MEGF9: variants seen among roughly 807,000 people sequenced by gnomAD.
MEGF9 encodes the protein multiple EGF like domains 9, also known as multiple epidermal growth factor-like domains protein 9.
Under a neutral mutation model 46.8 loss-of-function variants are expected in MEGF9, and 6 were observed. The ratio of observed to expected loss-of-function variants is 0.13; its 90% CI spans 0.07 to 0.25. The LOEUF is 0.25. Ranked by LOEUF, MEGF9 falls within the 10% of genes least tolerant of loss-of-function variation. MEGF9 has a pLI of 1.00. For missense variants in MEGF9, 683 were observed against 792.4 expected (o/e 0.86, Z 1.66); for synonymous variants, 302 against 330.7 (o/e 0.91, Z 0.94).
At chr9:120,625,611 G>A (rs1411027013) in intron 2 of MEGF9, among the ~76,000 whole-genome samples, 1 of 151,896 alleles carries the variant, frequency 6.6e-6, no homozygotes, top group Non-Finnish European at 1.5e-5. Context: ...TGAGGCGAGT[G>A]GATCACGAGG....
chr9:120,701,819 C>T (rs188504183), intron 1 of MEGF9, among the ~76,000 whole-genome samples: 93 of 152,130 alleles, frequency 6.1e-4, no homozygotes, highest in East Asian at 3.3e-3. Flanking sequence ...CCAAGGCGGG[C>T]GGATCACGAG....
chr9:120,639,508 T>TA (rs61638928), intron 2 of MEGF9, among the ~76,000 whole-genome samples: 3,043 of 105,118 alleles, frequency 0.029, 72 homozygotes, highest in African/African-American at 0.051. Flanking sequence ...ACTCCGTCTT[T>TA]AAAAAAAAAA....
In MEGF9 at chr9:120,608,009, T is replaced by C; in HGVS notation, c.1089A>G (p.Lys363=). The change falls in exon 5 of 6, where the codon AAA becomes AAG. Residue 363 remains lysine (K), a splice_region_variant and synonymous_variant. Coordinates refer to ENST00000373930, the MANE Select transcript of MEGF9 (RefSeq NM_001080497.3). ...CACATTCAGGTTCCAATTCACTCGA[T>C]TCTAAAAGAGAGAATGCCAAAATAG... is the stretch of plus-strand genomic sequence containing the variant. ...AVTSTGSCSI[K]SSELEPECDQ... is the part of the protein sequence containing the mutation. 6.2e-7 allele frequency: 1 copy of C among 1,613,546 alleles called. No homozygotes were observed. The highest frequency in any genetic ancestry group is 8.5e-7 in the Non-Finnish European group (1 of 1,179,444).
chr9:120,703,920 C>A lies in MEGF9; in HGVS notation c.601+9838G>T, dbSNP rs190080456. 1.6e-3 allele frequency among the ~76,000 whole-genome samples: 241 copies of A among 151,528 alleles called. 1 individual carries two copies. Among genetic ancestry groups the A allele is most frequent in the African/African-American group, 5.7e-3 (234 of 41,256 alleles). ...CCTAAGAGGCAGAGGTTGCAGTGAG[C>A]CAAGATGGCACCACTGCACTCCAGC... On this transcript the variant is annotated intron_variant, in intron 1 of 5. Coordinates refer to ENST00000373930, the MANE Select transcript of MEGF9 (RefSeq NM_001080497.3).
rs1332969313 is a variant in MEGF9, at chr9:120,714,382, G to C, written c.-24C>G. ...ATTCATTCAGCCAGTCGGTTGGTCAGTCATCTTCTCCTCGTTGCAATCCGA... is the reference window on the plus strand; with the variant it reads ...ATTCATTCAGCCAGTCGGTTGGTCACTCATCTTCTCCTCGTTGCAATCCGA... On this transcript the variant is annotated 5_prime_UTR_variant, in exon 1 of 6. Transcript: ENST00000373930. The C allele has an allele frequency of 3.1e-6, 4 of 1,292,814 alleles. No homozygotes were observed. The highest frequency in any genetic ancestry group is 2.0e-4 in the Middle Eastern group (1 of 4,956). 80.1% of individuals were successfully genotyped at this position (1,292,814 alleles called of 1,614,324 possible).
chr9:120,689,831 T>G, intron 1 of MEGF9: 2 of 440,020 alleles, frequency 4.5e-6, no homozygotes, highest in Non-Finnish European at 4.8e-6. Flanking sequence ...CCTAAAGTCA[T>G]TATGCTCTTC....
chr9:120,634,160 A>G (rs1034675759), intron 2 of MEGF9, among the ~76,000 whole-genome samples: 7 of 152,146 alleles, frequency 4.6e-5, no homozygotes, highest in Non-Finnish European at 8.8e-5. Flanking sequence ...TGTCTAGATG[A>G]TATGTCCAAT....
At chr9:120,687,578 T>C (rs909006623) in intron 1 of MEGF9, among the ~76,000 whole-genome samples, 2 of 151,846 alleles carry the variant, frequency 1.3e-5, no homozygotes, top group Non-Finnish European at 2.9e-5. Flanking sequence ...CAGAATTACA[T>C]GGAACAATAT....
chr9:120,679,284 C>A (rs2043787581), intron 1 of MEGF9, among the ~76,000 whole-genome samples: 1 of 152,150 alleles, frequency 6.6e-6, no homozygotes, highest in African/African-American at 2.4e-5. Context: ...CCATGGAATA[C>A]TATGCAGCCA....
intron 1 of MEGF9, among the ~76,000 whole-genome samples, chr9:120,697,420 ATTT>A (rs58868038): frequency 0.038 from 5,279 of 140,052 alleles, 287 homozygotes; most frequent in African/African-American, 0.13. Context: ...GTCATCTGCT[ATTT>A]TTTTTTTTTT....
At chr9:120,691,376 T>G (rs780139318) in intron 1 of MEGF9, 1 of 430,762 alleles carries the variant, frequency 2.3e-6, no homozygotes, top group Middle Eastern at 3.5e-4. Flanking sequence ...TATTCAAAAT[T>G]TTCCACAATA....
intron 1 of MEGF9, among the ~76,000 whole-genome samples, chr9:120,700,802 C>G (rs1408037849): frequency 3.3e-5 from 5 of 152,152 alleles, no homozygotes; most frequent in African/African-American, 1.2e-4. Context: ...CGTTTCCAGG[C>G]CAGGCACGGT....
At chr9:120,659,246 T>C (rs2043690773) in intron 2 of MEGF9, 128 bp downstream of exon 2, 6 of 583,416 alleles carry the variant, frequency 1.0e-5, no homozygotes, top group Non-Finnish European at 1.7e-5. Flanking sequence ...TAAAAGTATA[T>C]AAAATATTTT....
intron 2 of MEGF9, among the ~76,000 whole-genome samples, chr9:120,632,480 T>C (rs990290573): frequency 2.0e-5 from 3 of 152,186 alleles, no homozygotes; most frequent in African/African-American, 7.2e-5. Context: ...CATTTATCAG[T>C]TCTAAGAGCT....
At chr9:120,614,715 A>G (rs1564412357) in intron 3 of MEGF9, among the ~76,000 whole-genome samples, 1 of 152,068 alleles carries the variant, frequency 6.6e-6, no homozygotes, top group Non-Finnish European at 1.5e-5. Flanking sequence ...CTCTCCCCCT[A>G]TTAAAAATGT....
chr9:120,611,865 A>AGAGAGAGAG (rs572613293), intron 4 of MEGF9, among the ~76,000 whole-genome samples: 6 of 137,224 alleles, frequency 4.4e-5, no homozygotes, highest in African/African-American at 1.8e-4. Flanking sequence ...GGAAGGAAGA[A>AGAGAGAGAG]AGAGAGAGAG....
chr9:120,639,062 G>A (rs2043591060), intron 2 of MEGF9, among the ~76,000 whole-genome samples: 1 of 152,168 alleles, frequency 6.6e-6, no homozygotes, highest in African/African-American at 2.4e-5. Context: ...TTCATATGCT[G>A]TAATTATCTT....
intron 1 of MEGF9, chr9:120,691,497 A>C (rs1303873535): frequency 2.5e-6 from 1 of 408,138 alleles, no homozygotes; most frequent in African/African-American, 2.2e-5. Flanking sequence ...TCAGATTTCA[A>C]ATATGCACAC....
At chr9:120,681,052 G>A (rs925760515) in intron 1 of MEGF9, among the ~76,000 whole-genome samples, 2 of 152,118 alleles carry the variant, frequency 1.3e-5, no homozygotes, top group African/African-American at 4.8e-5. Context: ...TGGTACTTAA[G>A]GTGCCAAAGT....
Sources: gnomAD v4.1 joint callset for allele counts (sites outside exome capture counted in the v4.1 genomes callset) on GRCh38, gnomAD v4.1.1 for gene constraint, MANE v1.5 for transcripts, NCBI Gene and HGNC (gene_info 2026-07-23, HGNC 2026-07-21) for gene names.